Variants in NRCAM observed in about 807,000 individuals in gnomAD.
NRCAM encodes neuronal cell adhesion molecule.
In NRCAM, 83 loss-of-function variants were observed where a neutral mutation model predicts 156.5. The ratio of observed to expected loss-of-function variants is 0.53; its 90% confidence interval spans 0.44 to 0.64. The LOEUF (loss-of-function observed/expected upper bound fraction) is 0.64. Ranked by LOEUF, NRCAM falls within the 30% of genes least tolerant of loss-of-function variation. The pLI, the probability that NRCAM is intolerant of heterozygous loss-of-function variation, is 0.00. For synonymous variants in NRCAM, 538 were observed against 563.9 expected (o/e 0.95, Z 0.65); for missense variants, 1,417 against 1,597.3 (o/e 0.89, Z 1.92).
At chr7:108,415,351 T>G (rs1298871161) in intron 1 of NRCAM, among the ~76,000 whole-genome samples, 1 of 152,220 alleles carries the variant, frequency 6.6e-6, no homozygotes, top group African/African-American at 2.4e-5. Flanking sequence ...CCAGTCAGCC[T>G]GAACTATAAT....
At chr7:108,247,996 G>T (rs2153861190) in intron 3 of NRCAM, among the ~76,000 whole-genome samples, 1 of 152,328 alleles carries the variant, frequency 6.6e-6, no homozygotes, top group Admixed American at 6.5e-5. Context: ...TAAAAGTGAG[G>T]TCTGAGAAAT....
chr7:108,231,183 A>T (rs1361367148), intron 7 of NRCAM, 30 bp from the exon 8 acceptor site: 8 of 1,527,600 alleles, frequency 5.2e-6, no homozygotes, highest in Non-Finnish European at 6.1e-6. Context: ...CTTCTCAGTT[A>T]TTTCTGCATT....
At position 108,163,476 on chromosome 7, in the gene NRCAM, TC is replaced by T. The variant is rs2050717609; in HGVS notation, c.3467-2985del. 7.9e-5 allele frequency among the ~76,000 whole-genome samples: 12 copies of T among 152,312 alleles called. No individual in the cohort carries two copies. In the South Asian group the frequency reaches 2.3e-3, roughly 29 times the overall value. On this transcript the variant is annotated intron_variant, in intron 30 of 32. Transcript: ENST00000379028. Reference sequence around the variant, plus strand: ...GAAGAATGCACTATGGATGAAAATGTCCTGTTCAAATGCTTAGACATCAAAC... The same window carrying T: ...GAAGAATGCACTATGGATGAAAATGTCTGTTCAAATGCTTAGACATCAAAC...
intron 5 of NRCAM, among the ~76,000 whole-genome samples, chr7:108,237,112 C>T (rs2095109228): frequency 6.6e-6 from 1 of 152,148 alleles, no homozygotes; most frequent in Non-Finnish European, 1.5e-5. Flanking sequence ...AGGAAATTAT[C>T]AAATGCCTGA....
At chr7:108,446,534 C>T (rs1426420285) in intron 1 of NRCAM, among the ~76,000 whole-genome samples, 2 of 152,180 alleles carry the variant, frequency 1.3e-5, no homozygotes, top group Admixed American at 6.5e-5. Context: ...TCAGGCTCCT[C>T]GCAGAACAGA....
chr7:108,171,133 A>G (rs1217239373), intron 28 of NRCAM, among the ~76,000 whole-genome samples: 1 of 152,208 alleles, frequency 6.6e-6, no homozygotes, highest in South Asian at 2.1e-4. Flanking sequence ...CAGAGCACCT[A>G]TTTTGTACCA....
At chr7:108,182,391 C>T (rs2153340879) in intron 23 of NRCAM, among the ~76,000 whole-genome samples, 1 of 152,200 alleles carries the variant, frequency 6.6e-6, no homozygotes, top group African/African-American at 2.4e-5. Context: ...ACATGGAGGG[C>T]TGATATTTCA....
At chr7:108,358,690 C>T (rs1276749468) in intron 2 of NRCAM, among the ~76,000 whole-genome samples, 1 of 152,174 alleles carries the variant, frequency 6.6e-6, no homozygotes, top group African/African-American at 2.4e-5. Context: ...TCAGCCCCAG[C>T]GTATGCCCTG....
chr7:108,397,386 A>G (rs2099779779), intron 2 of NRCAM, among the ~76,000 whole-genome samples: 1 of 152,204 alleles, frequency 6.6e-6, no homozygotes, highest in South Asian at 2.1e-4. Context: ...CACTCAAAAT[A>G]GTACTATTGT....
chr7:108,332,212 G>T lies in NRCAM; in HGVS notation c.-173-19481C>A, dbSNP rs151255717. ...CCACAGATAATTTGATGGCACAGCA[G>T]ACTGACATCCTATTGCTTTTTCATA... On this transcript the variant is annotated intron_variant, in intron 2 of 32. Coordinates refer to ENST00000379028, the MANE Select transcript of NRCAM (RefSeq NM_001037132.4). Among the ~76,000 whole-genome samples, 878 of 152,300 alleles carry T rather than the reference G, an allele frequency of 5.8e-3. 9 individuals are homozygous for T. The highest frequency in any genetic ancestry group is 0.02 in the African/African-American group (836 of 41,564).
chr7:108,401,884 T>C (rs1396020045), intron 1 of NRCAM, among the ~76,000 whole-genome samples: 1 of 152,210 alleles, frequency 6.6e-6, no homozygotes, highest in African/African-American at 2.4e-5. Context: ...CACTGGAAAG[T>C]GGAAACAGAA....
intron 8 of NRCAM, 122 bp from the exon 9 acceptor site, chr7:108,226,500 T>C (rs2093462653): frequency 1.8e-6 from 1 of 564,750 alleles, no homozygotes; most frequent in Non-Finnish European, 3.0e-6. Context: ...TTTTTCTCTA[T>C]ATAGCTCTTT....
At chr7:108,384,589 G>A (rs1351996217) in intron 2 of NRCAM, among the ~76,000 whole-genome samples, 2 of 152,278 alleles carry the variant, frequency 1.3e-5, no homozygotes, top group East Asian at 3.9e-4. Flanking sequence ...CCCTTTTCAT[G>A]TTTTTACCTC....
chr7:108,435,892 G>A (rs1334721161), intron 1 of NRCAM, among the ~76,000 whole-genome samples: 1 of 152,210 alleles, frequency 6.6e-6, no homozygotes, highest in Non-Finnish European at 1.5e-5. Flanking sequence ...CAGCACTTTG[G>A]GAGGCCGAGG....
At chr7:108,167,510 G>A (rs2055346816) in intron 29 of NRCAM, among the ~76,000 whole-genome samples, 1 of 152,084 alleles carries the variant, frequency 6.6e-6, no homozygotes. Flanking sequence ...GCCTTCCAAC[G>A]TATCCAATTA....
At position 108,194,119 on chromosome 7, in the gene NRCAM, G is replaced by A; in HGVS notation, c.1683C>T (p.Ser561=). The A allele has an allele frequency of 6.2e-7, 1 of 1,614,066 alleles. No individual in the cohort carries two copies. Among genetic ancestry groups the A allele is most frequent in the Non-Finnish European group, 8.5e-7 (1 of 1,179,918 alleles). ...TCACTTTGCATTCAAAGGACACCAT[G>A]CTCCCTCTTTGCACAACTGCATATT... ...QPEYAVVQRG[S]MVSFECKVKH... Residue 561 remains serine, a synonymous_variant, in exon 17 of 33, where the codon AGC becomes AGT. Coordinates refer to ENST00000379028, the MANE Select transcript of NRCAM (RefSeq NM_001037132.4).
intron 2 of NRCAM, among the ~76,000 whole-genome samples, chr7:108,397,904 T>G (rs954082274): frequency 2.0e-5 from 3 of 152,016 alleles, no homozygotes; most frequent in East Asian, 3.9e-4. Flanking sequence ...GCCAAGAAAA[T>G]AAGAAGAAAT....
At position 108,191,735 on chromosome 7, in the gene NRCAM, C is replaced by G. The variant is rs760906419; in HGVS notation, c.1897G>C (p.Val633Leu). Residue 633 changes from valine to leucine, a missense_variant, in exon 18 of 33, where the codon GTT (valine) becomes CTT (leucine). Transcript: ENST00000379028. ...DSVSASAVLS[V>L]VAPTPTPAPV... The stretch of plus-strand genomic sequence containing the variant: ...TTTTTGTTTTCGTTCTTACCAACAA[C>G]GCTAAGCACAGCGCTGGCGGAGACG... 2 of 1,607,774 alleles carry G rather than the reference C, an allele frequency of 1.2e-6. 1 individual carries two copies. The highest frequency in any genetic ancestry group is 1.7e-6 in the Non-Finnish European group (2 of 1,175,818).
At chr7:108,180,180 T>TG in intron 25 of NRCAM, 43 bp downstream of exon 25, 1 of 1,561,300 alleles carries the variant, frequency 6.4e-7, no homozygotes, top group Non-Finnish European at 8.8e-7. Context: ...TCTCAGGCCA[T>TG]GCCATATGTT....
Sources: gnomAD v4.1 joint callset for allele counts (sites outside exome capture counted in the v4.1 genomes callset) on GRCh38, gnomAD v4.1.1 for gene constraint, MANE v1.5 for transcripts, NCBI Gene and HGNC (gene_info 2026-07-23, HGNC 2026-07-21) for gene names.